The following TXLNB variants were observed in gnomAD, a reference collection of about 807,000 sequenced individuals.
TXLNB encodes beta-taxilin.
Under a neutral mutation model 57.4 loss-of-function variants are expected in TXLNB, and 37 were observed. That is an observed-to-expected ratio of 0.64 (90% CI 0.50 to 0.85). The LOEUF (loss-of-function observed/expected upper bound fraction) is 0.85, where lower values mean the gene tolerates loss of function less well. TXLNB is among the 40% of genes least tolerant of loss of function. The pLI, the probability that TXLNB is intolerant of heterozygous loss-of-function variation, is 0.00. For missense variants in TXLNB, 848 were observed against 825.6 expected (o/e 1.03, Z -0.33); for synonymous variants, 302 against 309.6 (o/e 0.98, Z 0.26).
At chr6:139,231,322 G>T in the TXLNB span, among the ~76,000 whole-genome samples, 1 of 152,158 alleles carries the variant, frequency 6.6e-6, no homozygotes, top group Non-Finnish European at 1.5e-5. Flanking sequence ...CCCTTCCCAC[G>T]GTGCTGAGTT....
At chr6:139,224,911 C>G in the TXLNB span, among the ~76,000 whole-genome samples, 1 of 152,092 alleles carries the variant, frequency 6.6e-6, no homozygotes, top group South Asian at 2.1e-4. Flanking sequence ...CAAAGAATCT[C>G]TCCCATGAAC....
the TXLNB span, among the ~76,000 whole-genome samples, chr6:139,185,470 G>A: frequency 6.6e-6 from 1 of 152,200 alleles, no homozygotes; most frequent in African/African-American, 2.4e-5. Context: ...GGGAGGCCGA[G>A]GTGGGCGGAT....
At chr6:139,213,361 C>T in the TXLNB span, among the ~76,000 whole-genome samples, 2 of 152,164 alleles carry the variant, frequency 1.3e-5, no homozygotes, top group Non-Finnish European at 2.9e-5. Context: ...ACTGAACAAC[C>T]TGCTCCTAAA....
At chr6:139,244,381 G>A (rs1776023465) in intron 9 of TXLNB, among the ~76,000 whole-genome samples, 1 of 152,110 alleles carries the variant, frequency 6.6e-6, no homozygotes, top group South Asian at 2.1e-4. Flanking sequence ...ATGTGACTTA[G>A]GGTCACAAAA....
At chr6:139,322,402 C>A in the TXLNB span, among the ~76,000 whole-genome samples, 2 of 152,142 alleles carry the variant, frequency 1.3e-5, no homozygotes, top group Non-Finnish European at 2.9e-5. Flanking sequence ...TGAACCCACT[C>A]CTGCCAGCCC....
At chr6:139,215,144 A>G in the TXLNB span, among the ~76,000 whole-genome samples, 3 of 146,568 alleles carry the variant, frequency 2.0e-5, no homozygotes, top group East Asian at 6.4e-4. Flanking sequence ...GTTCATATGG[A>G]ACCAAAAAAA....
At chr6:139,278,757 A>G (rs370683960) in intron 2 of TXLNB, among the ~76,000 whole-genome samples, 15 of 152,312 alleles carry the variant, frequency 9.8e-5, no homozygotes, top group African/African-American at 2.4e-4. Flanking sequence ...TGTAATCCCA[A>G]CACTTTGGGA....
chr6:139,299,436 C>G, the TXLNB span, among the ~76,000 whole-genome samples: 1 of 152,216 alleles, frequency 6.6e-6, no homozygotes, highest in Non-Finnish European at 1.5e-5. Context: ...TGCAGATTAA[C>G]TGAAATGTCA....
At chr6:139,292,746 C>T (rs1347280350), upstream of TXLNB, among the ~76,000 whole-genome samples, 1 of 152,196 alleles carries the variant, frequency 6.6e-6, no homozygotes, top group African/African-American at 2.4e-5. This position sits in a 1 kb window ranked among gnomAD's most constrained non-coding sequence, Gnocchi z 4.0. Context: ...TGTAAATCCT[C>T]AACATGCTCC....
chr6:139,300,964 C>G, the TXLNB span, among the ~76,000 whole-genome samples: 1 of 152,234 alleles, frequency 6.6e-6, no homozygotes. Flanking sequence ...GGAAGCACCA[C>G]ATCTCTTCTA....
intron 2 of TXLNB, among the ~76,000 whole-genome samples, chr6:139,283,458 C>A (rs1583027667): frequency 2.1e-5 from 3 of 143,784 alleles, no homozygotes; most frequent in Admixed American, 1.4e-4. Context: ...TGCCTGTAAT[C>A]CCAGCTACTT....
chr6:139,192,477 T>C, the TXLNB span, among the ~76,000 whole-genome samples: 1 of 152,196 alleles, frequency 6.6e-6, no homozygotes, highest in East Asian at 1.9e-4. Flanking sequence ...TCTAAGCCTG[T>C]TAAGGACATA....
chr6:139,301,205 T>C, the TXLNB span, among the ~76,000 whole-genome samples: 1 of 152,154 alleles, frequency 6.6e-6, no homozygotes, highest in East Asian at 1.9e-4. Flanking sequence ...TCATGGTCTC[T>C]GTGGAAAGGA....
intron 5 of TXLNB, among the ~76,000 whole-genome samples, chr6:139,261,084 C>A (rs1461029970): frequency 6.6e-6 from 1 of 152,088 alleles, no homozygotes; most frequent in East Asian, 1.9e-4. Context: ...CTAGTTTGGT[C>A]AAGAGAAACT....
rs57409101 is a variant in TXLNB, at chr6:139,285,257, AACACACACACACACAC to A, written c.424+3203_424+3218del. 2.8e-4 allele frequency among the ~76,000 whole-genome samples: 34 copies of A among 120,000 alleles called. 3 individuals carry two copies. The highest frequency in any genetic ancestry group is 9.4e-4 in the African/African-American group (30 of 31,958). The allele number at this position is 120,000 out of a possible 152,430, so 78.7% of individuals were successfully genotyped here. A position where few individuals can be genotyped will look rare whatever the true frequency, so the allele number is the denominator to read the frequency against. ...CTATTTTCTTCATATCTTTCCCCTC[AACACACACACACACAC>A]ACACACACACACACACACACACACA... is the stretch of plus-strand genomic sequence containing the variant. On this transcript the variant is annotated intron_variant, in intron 2 of 9. Transcript: ENST00000358430.
chr6:139,275,674 C>T (rs1776877562), intron 3 of TXLNB, among the ~76,000 whole-genome samples: 1 of 152,168 alleles, frequency 6.6e-6, no homozygotes, highest in South Asian at 2.1e-4. Context: ...AGAAAGATTA[C>T]AGGACTAGAT....
chr6:139,228,383 G>A, the TXLNB span, among the ~76,000 whole-genome samples: 3 of 151,962 alleles, frequency 2.0e-5, no homozygotes, highest in Non-Finnish European at 4.4e-5. Context: ...AAAATTAGCT[G>A]GGCATGGTGG....
chr6:139,178,091 G>A, the TXLNB span: 2 of 152,102 alleles, frequency 1.3e-5, no homozygotes, highest in African/African-American at 2.4e-5. Flanking sequence ...TAAGAGGGAA[G>A]GGAAAAAAGT....
At chr6:139,229,019 C>T in the TXLNB span, among the ~76,000 whole-genome samples, 1 of 152,162 alleles carries the variant, frequency 6.6e-6, no homozygotes, top group African/African-American at 2.4e-5. Context: ...TGGCCCCATC[C>T]AGACTGCATG....
Sources: allele counts gnomAD v4.1 joint callset (sites outside exome capture counted in the v4.1 genomes callset), GRCh38; gene constraint gnomAD v4.1.1; non-coding constraint Gnocchi (gnomAD v3.1); transcripts MANE v1.5; gene names NCBI Gene and HGNC (gene_info 2026-07-23, HGNC 2026-07-21).